The following FBXO30 variants were observed in gnomAD, a reference collection of about 807,000 sequenced individuals.
The protein encoded by FBXO30 is F-box only protein 30.
Under a neutral mutation model 58.1 loss-of-function variants are expected in FBXO30, and 21 were observed. The ratio of observed to expected loss-of-function variants is 0.36; its 90% CI spans 0.26 to 0.52. The LOEUF (loss-of-function observed/expected upper bound fraction) is 0.52. Among genes scored for constraint, FBXO30 ranks in the 20% least tolerant of loss-of-function variants. The pLI is 0.93. For missense variants in FBXO30, 744 were observed against 897.3 expected, an observed-to-expected ratio of 0.83 and a Z score of 2.18; for synonymous variants, 309 against 312.4, an observed-to-expected ratio of 0.99 and a Z score of 0.11.
chr6:145,802,342 C>A (rs774312607), intron 2 of FBXO30, among the ~76,000 whole-genome samples: 3 of 152,110 alleles, frequency 2.0e-5, no homozygotes, highest in Admixed American at 2.0e-4. Flanking sequence ...TAATTAACCT[C>A]TGTTTCTTTG....
Position 145,798,188 on chromosome 6 carries a change from G to C in FBXO30, c.*1918C>G, listed in dbSNP as rs923244574. On this transcript the variant is annotated 3_prime_UTR_variant, in exon 3 of 3. Transcript: ENST00000237281. ...TAAATGAACGTTTTTAAGTTATTGAGCCATGTTAAGGGAAAACATTAATTT... is the reference window on the plus strand; with the variant it reads ...TAAATGAACGTTTTTAAGTTATTGACCCATGTTAAGGGAAAACATTAATTT... 6.6e-6 allele frequency: 1 copy of C among 151,990 alleles called. No homozygotes were observed. Among genetic ancestry groups the C allele is most frequent in the Admixed American group, 6.6e-5 (1 of 15,240 alleles). The allele number at this position is 151,990 out of a possible 1,614,324, so 9.4% of individuals were successfully genotyped here.
chr6:145,804,044 T>C (rs1778086918), intron 2 of FBXO30, among the ~76,000 whole-genome samples: 1 of 152,072 alleles, frequency 6.6e-6, no homozygotes, highest in South Asian at 2.1e-4. Context: ...ATGGTGCACA[T>C]TTTTCAGATG....
chr6:145,806,581 C>A lies in FBXO30; in HGVS notation c.-16-160G>T, dbSNP rs147671280. 1.1e-4 allele frequency among the ~76,000 whole-genome samples: 17 copies of A among 152,244 alleles called. No individual in the cohort carries two copies. The East Asian group carries it at 3.1e-3, about 28-fold the overall frequency. On this transcript the variant is annotated intron_variant, in intron 1 of 2. Transcript: ENST00000237281. ...TTAACCAGTTAATTTTACATATAAT[C>A]AATGTCTTGAAAGGATGTAAGCACT...
rs1777889753 is a variant in FBXO30 at position 145,797,624 on chromosome 6, T to C, written c.*2482A>G. 6.6e-6 allele frequency: 1 copy of C among 151,998 alleles called. No homozygotes were observed. Among genetic ancestry groups the C allele is most frequent in the Non-Finnish European group, 1.5e-5 (1 of 67,956 alleles). The allele number at this position is 151,998 out of a possible 1,614,324, so 9.4% of individuals were successfully genotyped here. On this transcript the variant is annotated 3_prime_UTR_variant, in exon 3 of 3. Transcript: ENST00000237281. Reference sequence around the variant, plus strand: ...TCCTGCTGGTCCAAGGACCACACTTTAGGAACCACTGCTGTAAGATCTGTG... The same window carrying C: ...TCCTGCTGGTCCAAGGACCACACTTCAGGAACCACTGCTGTAAGATCTGTG...
chr6:145,814,488 C>CCGCCAG (rs1778441374), intron 1 of FBXO30, 115 bp downstream of exon 1: 2 of 151,920 alleles, frequency 1.3e-5, no homozygotes, highest in Non-Finnish European at 2.9e-5. Flanking sequence ...AACCCCACGG[C>CCGCCAG]CGCCAGCGCC....
rs1296595056 is a variant in FBXO30 at position 145,793,746 on chromosome 6, T to C, written c.*6360A>G. ...AGTCAATCACTCAGTCACAGAAGTT[T>C]TAAATATAAGGAAATTTTGATGAAT... On this transcript the variant is annotated 3_prime_UTR_variant, in exon 3 of 3. Coordinates refer to ENST00000237281, the MANE Select transcript of FBXO30 (RefSeq NM_032145.5). 6.6e-6 allele frequency: 1 copy of C among 152,038 alleles called. No individual in the cohort carries two copies. The highest frequency in any genetic ancestry group is 2.4e-5 in the African/African-American group (1 of 41,454). 9.4% of individuals were successfully genotyped at this position (152,038 alleles called of 1,614,324 possible).
intron 1 of FBXO30, among the ~76,000 whole-genome samples, chr6:145,807,255 T>C (rs1778201494): frequency 6.6e-6 from 1 of 152,172 alleles, no homozygotes; most frequent in Non-Finnish European, 1.5e-5. Context: ...TGTGGTCAAT[T>C]TGACAGAAGT....
chr6:145,804,295 A>G, intron 2 of FBXO30, 77 bp downstream of exon 2: 3 of 1,266,594 alleles, frequency 2.4e-6, no homozygotes, highest in Non-Finnish European at 3.3e-6. Flanking sequence ...TCTCAACAAG[A>G]TATTAATTGT....
intron 2 of FBXO30, among the ~76,000 whole-genome samples, chr6:145,801,736 G>A (rs755529198): frequency 9.9e-5 from 15 of 152,008 alleles, no homozygotes; most frequent in Non-Finnish European, 2.2e-4. Context: ...TTTTCCAGGA[G>A]TCAGTGAAGG....
intron 1 of FBXO30, among the ~76,000 whole-genome samples, chr6:145,813,433 G>C (rs1778390578): frequency 1.3e-5 from 2 of 152,094 alleles, no homozygotes; most frequent in South Asian, 4.1e-4. Context: ...TTTGTGATGA[G>C]AAACAGTGAC....
In FBXO30 at chr6:145,794,485, C is replaced by T. The variant is rs750966110; in HGVS notation, c.*5621G>A. 5.9e-5 allele frequency: 9 copies of T among 151,876 alleles called. No individual in the cohort carries two copies. The highest frequency in any genetic ancestry group is 8.8e-5 in the Non-Finnish European group (6 of 67,824). 9.4% of individuals were successfully genotyped at this position (151,876 alleles called of 1,614,324 possible). A position where few individuals can be genotyped will look rare whatever the true frequency, so the allele number is the denominator to read the frequency against. ...GAATTCATCTCCACTGAATTATTAG[C>T]CATTCAGAGTAAGTTATTTCATATG... On this transcript the variant is annotated 3_prime_UTR_variant, in exon 3 of 3. Coordinates refer to ENST00000237281, the MANE Select transcript of FBXO30 (RefSeq NM_032145.5).
chr6:145,801,852 TGAAA>T (rs1778008897), intron 2 of FBXO30, among the ~76,000 whole-genome samples: 1 of 152,080 alleles, frequency 6.6e-6, no homozygotes, highest in Admixed American at 6.6e-5. Flanking sequence ...GTGAATTAGC[TGAAA>T]GATTCAATGG....
rs1159914385 is a variant in FBXO30 at position 145,796,979 on chromosome 6, A to C, written c.*3127T>G. 6.6e-6 allele frequency: 1 copy of C among 151,966 alleles called. No individual in the cohort carries two copies. Among genetic ancestry groups the C allele is most frequent in the East Asian group, 1.9e-4 (1 of 5,182 alleles). 9.4% of individuals were successfully genotyped at this position (151,966 alleles called of 1,614,324 possible). A position where few individuals can be genotyped will look rare whatever the true frequency, so the allele number is the denominator to read the frequency against. On this transcript the variant is annotated 3_prime_UTR_variant, in exon 3 of 3. Coordinates refer to ENST00000237281, the MANE Select transcript of FBXO30 (RefSeq NM_032145.5). ...ATACTACTTGTAAACAAGAGATCCA[A>C]TCTTTCATAACATCTTATTGATAGG...
chr6:145,806,172 T>G lies in FBXO30; in HGVS notation c.234A>C (p.Glu78Asp), dbSNP rs140595964. 1.5e-5 allele frequency: 25 copies of G among 1,614,008 alleles called. No homozygotes were observed. The African/African-American group carries it at 1.7e-4, about 11-fold the overall frequency. ...CACTTGCAGGACACATTTCTAGATG[T>G]TCAGCAACTTTATTTCGGGCCATGG... ...PFTMARNKVA[E>D]HLEMCPASVV... The change falls in exon 2 of 3, where the codon GAA becomes GAC. Residue 78 changes from glutamate to aspartate, a missense_variant. Physicochemically the swap from Glu to Asp is conservative, Grantham distance 45. Coordinates refer to ENST00000237281, the MANE Select transcript of FBXO30 (RefSeq NM_032145.5).
intron 1 of FBXO30, among the ~76,000 whole-genome samples, chr6:145,806,789 T>C (rs1413175852): frequency 3.3e-5 from 5 of 152,230 alleles, no homozygotes; most frequent in Non-Finnish European, 7.3e-5. Flanking sequence ...TTTTCACTTT[T>C]ACCTTTCTAA....
intron 1 of FBXO30, 104 bp from the exon 2 acceptor site, chr6:145,806,525 T>C: frequency 2.4e-6 from 2 of 823,254 alleles, no homozygotes; most frequent in Non-Finnish European, 3.8e-6. Context: ...TCTTGGTTTA[T>C]TTTAGGATGA....
intron 1 of FBXO30, among the ~76,000 whole-genome samples, chr6:145,811,428 G>A (rs1319501644): frequency 2.0e-5 from 3 of 152,136 alleles, no homozygotes. Flanking sequence ...ATCAAAAAAA[G>A]CAAATCAAAG....
chr6:145,809,995 G>A (rs1369212981), intron 1 of FBXO30: 2 of 152,158 alleles, frequency 1.3e-5, no homozygotes, highest in Non-Finnish European at 2.9e-5. Flanking sequence ...ACACAACTTT[G>A]CTTGTAGTTT....
intron 1 of FBXO30, among the ~76,000 whole-genome samples, chr6:145,812,301 C>A (rs1276369302): frequency 3.3e-5 from 5 of 152,076 alleles, no homozygotes; most frequent in Non-Finnish European, 7.4e-5. Context: ...TAACTACTTG[C>A]AACGTTCTCC....
Sources: allele counts gnomAD v4.1 joint callset (sites outside exome capture counted in the v4.1 genomes callset), GRCh38; gene constraint gnomAD v4.1.1; transcripts MANE v1.5; gene names NCBI Gene and HGNC (gene_info 2026-07-23, HGNC 2026-07-21).